Variants in FGF1 observed in about 807,000 individuals in gnomAD.
FGF1 encodes beta-endothelial cell growth factor.
A neutral mutation model predicts 13.4 loss-of-function variants in FGF1; 9 were observed. That is an observed-to-expected ratio of 0.67 (90% CI 0.40 to 1.17). The LOEUF (loss-of-function observed/expected upper bound fraction) is 1.17. Ranked by LOEUF, FGF1 falls within the 50% of genes most tolerant of loss-of-function variation. The pLI is 0.01. For missense variants in FGF1, 156 were observed against 192.7 expected, an observed-to-expected ratio of 0.81 and a Z score of 1.13; for synonymous variants, 93 against 79.0, an observed-to-expected ratio of 1.18 and a Z score of -0.94.
chr5:142,634,868 T>A (rs1160352975), intron 1 of FGF1, among the ~76,000 whole-genome samples: 1 of 151,826 alleles, frequency 6.6e-6, no homozygotes, highest in African/African-American at 2.4e-5. Context: ...TTATTGCTTT[T>A]TTTTTCTTTT....
At chr5:142,687,754 A>G (rs143498485), upstream of FGF1, among the ~76,000 whole-genome samples, 484 of 152,330 alleles carry the variant, frequency 3.2e-3, 2 homozygotes, top group African/African-American at 0.01. Flanking sequence ...AGAGATGCAG[A>G]CTCAGAGACT....
At chr5:142,660,821 G>C (rs1769086071) in intron 1 of FGF1, among the ~76,000 whole-genome samples, 1 of 152,180 alleles carries the variant, frequency 6.6e-6, no homozygotes, top group Non-Finnish European at 1.5e-5. Context: ...CCTAGCCCCT[G>C]CTATGTTACA....
intron 1 of FGF1, among the ~76,000 whole-genome samples, chr5:142,631,951 T>C (rs1057255392): frequency 3.9e-5 from 6 of 152,020 alleles, no homozygotes; most frequent in Non-Finnish European, 5.9e-5. Context: ...GCCCAGCTAA[T>C]TTTCTTGTAT....
At chr5:142,688,096 CACACACACAT>C (rs899278212), upstream of FGF1, among the ~76,000 whole-genome samples, 449 of 152,292 alleles carry the variant, frequency 2.9e-3, no homozygotes, top group African/African-American at 0.01. Context: ...CACACACACT[CACACACACAT>C]ACACACACAG....
chr5:142,671,265 G>A (rs920993945), intron 1 of FGF1, among the ~76,000 whole-genome samples: 1 of 152,170 alleles, frequency 6.6e-6, no homozygotes, highest in East Asian at 1.9e-4. Flanking sequence ...GAGTGTCTGT[G>A]TTAACAAATG....
chr5:142,610,495 C>T (rs931856979), intron 2 of FGF1, among the ~76,000 whole-genome samples: 7 of 152,116 alleles, frequency 4.6e-5, no homozygotes, highest in Admixed American at 4.6e-4. Context: ...GGCCATCTTC[C>T]CCTGGACCTG....
chr5:142,621,407 C>A (rs972873995), intron 1 of FGF1: 1 of 151,968 alleles, frequency 6.6e-6, no homozygotes, highest in African/African-American at 2.4e-5. Context: ...TCCTTTCCTC[C>A]ACCCTTTCAC....
chr5:142,666,913 G>C (rs1375424539), intron 1 of FGF1, among the ~76,000 whole-genome samples: 1 of 150,908 alleles, frequency 6.6e-6, no homozygotes, highest in East Asian at 2.0e-4. Flanking sequence ...GTGAGGCCTT[G>C]TCTCAAAAAA....
At chr5:142,681,307 C>T (rs1773649444) in intron 1 of FGF1, among the ~76,000 whole-genome samples, 1 of 152,220 alleles carries the variant, frequency 6.6e-6, no homozygotes, top group African/African-American at 2.4e-5. Context: ...AAATTTAGCT[C>T]AACATGACCT....
intron 1 of FGF1, among the ~76,000 whole-genome samples, chr5:142,614,948 T>C (rs910657499): frequency 6.6e-6 from 1 of 152,188 alleles, no homozygotes; most frequent in African/African-American, 2.4e-5. Context: ...GTTTTCATCC[T>C]AGCTATTTTC....
At chr5:142,695,122 T>C (rs1425493645) in intron 2 of FGF1, among the ~76,000 whole-genome samples, 2 of 152,208 alleles carry the variant, frequency 1.3e-5, no homozygotes, top group African/African-American at 4.8e-5. Context: ...GATAAGTAAC[T>C]CATTTCTTTG....
intron 2 of FGF1, among the ~76,000 whole-genome samples, chr5:142,605,369 C>A (rs112327272): frequency 1.3e-5 from 2 of 151,950 alleles, no homozygotes; most frequent in African/African-American, 2.4e-5. Context: ...GATCCACCCC[C>A]CTCGGCCTCC....
At chr5:142,628,689 A>G (rs1417080901) in intron 1 of FGF1, among the ~76,000 whole-genome samples, 1 of 152,204 alleles carries the variant, frequency 6.6e-6, no homozygotes, top group East Asian at 1.9e-4. Flanking sequence ...GACCTTTCAA[A>G]GCCATTTATA....
chr5:142,608,418 G>T (rs1758169340), intron 2 of FGF1, among the ~76,000 whole-genome samples: 1 of 151,650 alleles, frequency 6.6e-6, no homozygotes, highest in South Asian at 2.1e-4. Context: ...GTAGCCACAA[G>T]CCGGGATTGG....
intron 1 of FGF1, among the ~76,000 whole-genome samples, chr5:142,634,001 G>A (rs1283427068): frequency 6.6e-6 from 1 of 150,494 alleles, no homozygotes; most frequent in African/African-American, 2.5e-5. Context: ...TGGCTAACAC[G>A]GTGAAACCCT....
At chr5:142,666,112 T>C (rs11746736) in intron 1 of FGF1, among the ~76,000 whole-genome samples, 104,229 of 104,234 alleles carry the variant, frequency 1, 52,112 homozygotes, top group Middle Eastern at 1. Context: ...AGTATGGCAC[T>C]TGCTGAAAAG....
At chr5:142,676,153 C>T (rs1772562660) in intron 1 of FGF1, among the ~76,000 whole-genome samples, 1 of 152,184 alleles carries the variant, frequency 6.6e-6, no homozygotes, top group Admixed American at 6.5e-5. Context: ...GACAAAGGAA[C>T]AGCAGGGAAA....
intron 2 of FGF1, among the ~76,000 whole-genome samples, chr5:142,602,065 G>T (rs1045063686): frequency 6.6e-6 from 1 of 152,188 alleles, no homozygotes; most frequent in Non-Finnish European, 1.5e-5. Flanking sequence ...AGGATGAGGG[G>T]GCATCTCTGA....
At chr5:142,686,685 G>A (rs549262315), upstream of FGF1, among the ~76,000 whole-genome samples, 46 of 152,320 alleles carry the variant, frequency 3.0e-4, no homozygotes, top group South Asian at 8.3e-3. Flanking sequence ...GTGTGCGTGT[G>A]TGTGTCTGTC....
Sources: allele counts gnomAD v4.1 joint callset (sites outside exome capture counted in the v4.1 genomes callset), GRCh38; gene constraint gnomAD v4.1.1; transcripts MANE v1.5; gene names NCBI Gene and HGNC (gene_info 2026-07-23, HGNC 2026-07-21).